The following RILPL2 variants were observed in gnomAD, a reference collection of about 807,000 sequenced individuals.
RILPL2 encodes the protein Rab interacting lysosomal protein like 2, also known as RILP-like protein 2.
A neutral mutation model predicts 22.2 loss-of-function variants in RILPL2; 19 were observed. That is an observed-to-expected ratio of 0.86 (90% CI 0.60 to 1.25). The LOEUF is 1.25. Ranked by LOEUF, RILPL2 falls within the 50% of genes most tolerant of loss-of-function variation. RILPL2 has a pLI of 0.00. For missense variants in RILPL2, 243 were observed against 263.6 expected, an observed-to-expected ratio of 0.92 and a Z score of 0.54; for synonymous variants, 123 against 111.6, an observed-to-expected ratio of 1.10 and a Z score of -0.64.
chr12:123,423,208 T>TG lies in RILPL2; in HGVS notation c.492-52_492-51insC, dbSNP rs776240641. ...GGATTATTTTATTACAGATCGTTTT[T>TG]TTTTTTTTTTTGAGTTGGAGTCTTT... On this transcript the variant is annotated intron_variant, in intron 2 of 3. Coordinates refer to ENST00000280571, the MANE Select transcript of RILPL2 (RefSeq NM_145058.3). The TG allele has an allele frequency of 3.1e-6, 4 of 1,282,340 alleles. No homozygotes were observed. The East Asian group carries it at 9.3e-5, about 30-fold the overall frequency. The allele number at this position is 1,282,340 out of a possible 1,614,324, so 79.4% of individuals were successfully genotyped here.
At chr12:123,425,882 C>T (rs1879430744) in intron 2 of RILPL2, among the ~76,000 whole-genome samples, 1 of 151,986 alleles carries the variant, frequency 6.6e-6, no homozygotes, top group African/African-American at 2.4e-5. Context: ...GAACTCCTGA[C>T]CTCAGGCAAT....
chr12:123,426,688 C>A (rs948647738), intron 2 of RILPL2, among the ~76,000 whole-genome samples: 1 of 151,100 alleles, frequency 6.6e-6, no homozygotes, highest in Non-Finnish European at 1.5e-5. Flanking sequence ...GCAGGCTCTG[C>A]CCCCCGGGGC....
intron 1 of RILPL2, among the ~76,000 whole-genome samples, chr12:123,432,203 C>T (rs957091860): frequency 2.0e-5 from 3 of 152,000 alleles, no homozygotes; most frequent in Non-Finnish European, 2.9e-5. Context: ...AGCTTTACTA[C>T]AATTTAAAAA....
chr12:123,435,078 G>A, intron 1 of RILPL2, among the ~76,000 whole-genome samples: 2 of 152,108 alleles, frequency 1.3e-5, no homozygotes, highest in South Asian at 4.1e-4. Flanking sequence ...TGCTCAGGAG[G>A]CTGAGGCAGG....
chr12:123,430,704 A>AATTATT (rs750085601), intron 1 of RILPL2, 45 bp from the exon 2 acceptor site: 1 of 1,223,518 alleles, frequency 8.2e-7, no homozygotes, highest in Non-Finnish European at 1.0e-6. Context: ...TATATAATTA[A>AATTATT]ATTATTATTA....
intron 2 of RILPL2, among the ~76,000 whole-genome samples, chr12:123,429,027 T>C (rs1487753645): frequency 1.3e-5 from 2 of 152,144 alleles, no homozygotes; most frequent in Non-Finnish European, 2.9e-5. Context: ...TTTTGGGAAA[T>C]AGCACAAATG....
chr12:123,430,364 G>T (rs557066368), intron 2 of RILPL2, 144 bp downstream of exon 2: 17 of 623,478 alleles, frequency 2.7e-5, no homozygotes, highest in South Asian at 5.5e-5. Context: ...AGCCGAGATC[G>T]CGCCACTGCA....
At chr12:123,411,473 C>G (rs943421419), downstream of RILPL2, 2 of 150,876 alleles carry the variant, frequency 1.3e-5, no homozygotes, top group African/African-American at 4.9e-5. Flanking sequence ...CAGAGCGAGA[C>G]TCTGTCTCAA....
chr12:123,417,658 C>A (rs1317503045), intron 3 of RILPL2, among the ~76,000 whole-genome samples: 1 of 152,120 alleles, frequency 6.6e-6, no homozygotes, highest in Non-Finnish European at 1.5e-5. Flanking sequence ...GATCTCGGCT[C>A]ACGGCAACCT....
chr12:123,429,150 T>G (rs1706477), intron 2 of RILPL2, among the ~76,000 whole-genome samples: 52,863 of 151,832 alleles, frequency 0.35, 11,063 homozygotes, highest in East Asian at 0.64. Flanking sequence ...TTAACTTTCC[T>G]TATTTTTTTT....
intron 1 of RILPL2, among the ~76,000 whole-genome samples, chr12:123,434,193 CG>C (rs2139255459): frequency 6.6e-6 from 1 of 151,850 alleles, no homozygotes; most frequent in East Asian, 1.9e-4. Flanking sequence ...CTGAGGTGGG[CG>C]TATCACTTAA....
downstream of RILPL2, chr12:123,413,069 A>G (rs1879016450): frequency 6.6e-6 from 1 of 152,522 alleles, no homozygotes; most frequent in African/African-American, 2.4e-5. Context: ...GGTGGCATAT[A>G]CCTATAGTCC....
chr12:123,416,046 T>C (rs1289419518), intron 3 of RILPL2, 125 bp from the exon 4 acceptor site: 26 of 948,350 alleles, frequency 2.7e-5, no homozygotes, highest in Admixed American at 8.6e-5. Context: ...AGGCCAGGCA[T>C]TGTGGCTCAC....
chr12:123,412,102 G>A (rs1185166662), downstream of RILPL2: 1 of 152,080 alleles, frequency 6.6e-6, no homozygotes, highest in Non-Finnish European at 1.5e-5. Flanking sequence ...TTCTTTCTGA[G>A]TGGGTTCTCT....
At position 123,415,906 on chromosome 12, in the gene RILPL2, C is replaced by A. The variant is rs143775343; in HGVS notation, c.621G>T (p.Ser207=). Residue 207 remains serine, a synonymous_variant, in exon 4 of 4, where the codon TCG becomes TCT. Transcript: ENST00000280571. ...GGCCTTGGATCTAGGTCTGTTTCCC[C>A]GATCGAAAAAAGAACCTGGTGTGGA... ...TIIKKLFFFR[S]GKQT is the part of the protein sequence containing the mutation. The A allele has an allele frequency of 6.2e-7, 1 of 1,613,958 alleles. No homozygotes were observed. Among genetic ancestry groups the A allele is most frequent in the Non-Finnish European group, 8.5e-7 (1 of 1,179,982 alleles).
At position 123,415,819 on chromosome 12, in the gene RILPL2, G is replaced by A; in HGVS notation, c.*72C>T. 7.0e-7 allele frequency: 1 copy of A among 1,420,930 alleles called. No homozygotes were observed. Among genetic ancestry groups the A allele is most frequent in the Admixed American group, 1.7e-5 (1 of 59,750 alleles). 88.0% of individuals were successfully genotyped at this position (1,420,930 alleles called of 1,614,324 possible). ...CTAGTGTGTCTGTGTGGCACAGGGA[G>A]GTGGTTTTGCCAGGCATCTTGGAAG... On this transcript the variant is annotated 3_prime_UTR_variant, in exon 4 of 4. Transcript: ENST00000280571.
chr12:123,417,593 T>C (rs913230954), intron 3 of RILPL2, among the ~76,000 whole-genome samples: 3 of 152,074 alleles, frequency 2.0e-5, no homozygotes, highest in Non-Finnish European at 4.4e-5. Flanking sequence ...AAAATTTCTT[T>C]TTTTTTTTGA....
intron 2 of RILPL2, among the ~76,000 whole-genome samples, chr12:123,427,226 G>A (rs1437591127): frequency 6.6e-6 from 1 of 152,112 alleles, no homozygotes; most frequent in Admixed American, 6.6e-5. Context: ...GGTGCGCCCT[G>A]GTTCTCCTTC....
chr12:123,429,908 G>T (rs972573328), intron 2 of RILPL2, among the ~76,000 whole-genome samples: 1 of 151,408 alleles, frequency 6.6e-6, no homozygotes, highest in African/African-American at 2.4e-5. Flanking sequence ...TTGAGCCCAA[G>T]AGTTTGACAC....
Sources: gnomAD v4.1 joint callset for allele counts (sites outside exome capture counted in the v4.1 genomes callset) on GRCh38, gnomAD v4.1.1 for gene constraint, MANE v1.5 for transcripts, NCBI Gene and HGNC (gene_info 2026-07-23, HGNC 2026-07-21) for gene names.